TUB: variants seen among roughly 807,000 people sequenced by gnomAD.
TUB encodes tubby protein homolog.
A neutral mutation model predicts 59.7 loss-of-function variants in TUB; 33 were observed. The ratio of observed to expected loss-of-function variants is 0.55; its 90% confidence interval spans 0.42 to 0.74. The LOEUF (loss-of-function observed/expected upper bound fraction) is 0.74, where lower values mean the gene tolerates loss of function less well. Ranked by LOEUF, TUB falls within the 30% of genes least tolerant of loss-of-function variation. TUB has a pLI of 0.00. For synonymous variants in TUB, 293 were observed against 256.4 expected (o/e 1.14, Z -1.36); for missense variants, 659 against 672.0 (o/e 0.98, Z 0.21).
intron 2 of TUB, among the ~76,000 whole-genome samples, chr11:8,056,603 T>G (rs1010010381): frequency 2.0e-5 from 3 of 151,962 alleles, no homozygotes; most frequent in African/African-American, 7.3e-5. Flanking sequence ...GAAGGAATTT[T>G]GGGTACATAT....
chr11:8,101,054 T>C lies in TUB; in HGVS notation c.1387+57T>C, dbSNP rs139158114. The C allele has an allele frequency of 9.7e-4, 1,550 of 1,600,922 alleles. 12 individuals are homozygous for C. In the African/African-American group the frequency reaches 0.018, roughly 18 times the overall value. On this transcript the variant is annotated intron_variant, in intron 11 of 11. Coordinates refer to ENST00000299506, the MANE Select transcript of TUB (RefSeq NM_177972.3). ...CGTAGGATACCCAAGGCCCTTAGCGTAGGGTTCAGCCCACCTAGCCCTGCC... is the reference window on the plus strand; with the variant it reads ...CGTAGGATACCCAAGGCCCTTAGCGCAGGGTTCAGCCCACCTAGCCCTGCC...
intron 2 of TUB, among the ~76,000 whole-genome samples, chr11:8,054,723 C>T (rs1942990414): frequency 6.6e-6 from 1 of 152,214 alleles, no homozygotes; most frequent in Admixed American, 6.5e-5. Context: ...GAGATTTCCA[C>T]TTTGTGTGAA....
At chr11:8,020,290 C>T (rs937532542) in intron 1 of TUB, among the ~76,000 whole-genome samples, 1 of 151,970 alleles carries the variant, frequency 6.6e-6, no homozygotes, top group African/African-American at 2.4e-5. Flanking sequence ...GGAAGACAAA[C>T]TTCATTTACT....
chr11:8,076,811 T>G (rs1347313943), upstream of TUB: 5 of 152,228 alleles, frequency 3.3e-5, no homozygotes, highest in Non-Finnish European at 7.3e-5. Context: ...TGCTTTTGTG[T>G]GTTTGTGTGT....
intron 2 of TUB, chr11:8,067,317 C>G (rs1409806935): frequency 3.3e-5 from 5 of 152,242 alleles, no homozygotes; most frequent in Non-Finnish European, 7.3e-5. Context: ...GGTTTGGCCC[C>G]TGGCTCTGCT....
rs1589976160 is a variant in TUB at position 8,095,770 on chromosome 11, G to A, written c.565+105G>A. On this transcript the variant is annotated intron_variant, in intron 5 of 11. Transcript: ENST00000299506. ...CTTCCTGTGTCCAAACCCCTCCCTG[G>A]CAATGGTGGGTGAGGGTGGGGCACA... 22 of 1,253,368 alleles carry A rather than the reference G, an allele frequency of 1.8e-5. 1 individual carries two copies. In the South Asian group the frequency reaches 3.1e-4, roughly 17 times the overall value. The allele number at this position is 1,253,368 out of a possible 1,614,324, so 77.6% of individuals were successfully genotyped here.
chr11:8,064,610 G>A (rs142434354), intron 2 of TUB, among the ~76,000 whole-genome samples: 27 of 152,306 alleles, frequency 1.8e-4, no homozygotes, highest in Admixed American at 1.2e-3. Context: ...GAACTTTGAC[G>A]TAAGTGGGGT....
intron 2 of TUB, chr11:8,069,287 T>A (rs1329638420): frequency 6.6e-6 from 1 of 151,954 alleles, no homozygotes; most frequent in Admixed American, 6.5e-5. Context: ...GTCTCATAGC[T>A]CTGGAACCTC....
chr11:8,044,714 A>G (rs955725441), intron 2 of TUB, among the ~76,000 whole-genome samples: 3 of 152,226 alleles, frequency 2.0e-5, no homozygotes, highest in African/African-American at 4.8e-5. Context: ...CCCCCATTTC[A>G]TAAGTCCCAG....
intron 2 of TUB, among the ~76,000 whole-genome samples, chr11:8,062,537 GT>G (rs1943151597): frequency 1.4e-5 from 2 of 139,874 alleles, no homozygotes; most frequent in Admixed American, 1.4e-4. Flanking sequence ...GTGTGTGTGT[GT>G]GTACACATGA....
At chr11:8,033,885 C>A (rs973371697), upstream of TUB, among the ~76,000 whole-genome samples, 1 of 152,260 alleles carries the variant, frequency 6.6e-6, no homozygotes. Flanking sequence ...AGCCTTTCCC[C>A]CTCTGGCCTG....
chr11:8,091,665 C>A (rs1486293631), intron 3 of TUB, among the ~76,000 whole-genome samples: 1 of 152,150 alleles, frequency 6.6e-6, no homozygotes, highest in African/African-American at 2.4e-5. Flanking sequence ...GCACCCTGGC[C>A]ATACCTGGTA....
In TUB at chr11:8,039,669, G is replaced by A. The variant is rs1942711024; in HGVS notation, c.180G>A (p.Trp60Ter). The change falls in exon 2 of 13, where the codon TGG becomes TGA. Residue 60 changes from tryptophan to a stop codon, truncating the protein, a stop_gained. Coordinates refer to the TUB transcript ENST00000305253. LOFTEE classifies it high-confidence loss of function. Reference sequence around the variant, plus strand: ...GGAGAACAACCAGGAGGAAGTACTGGAAGGAAGGAAGGGAGATCGCTCGGT... The same window carrying A: ...GGAGAACAACCAGGAGGAAGTACTGAAAGGAAGGAAGGGAGATCGCTCGGT... 2.0e-6 allele frequency: 3 copies of A among 1,537,224 alleles called. No individual in the cohort carries two copies. Among genetic ancestry groups the A allele is most frequent in the African/African-American group, 1.4e-5 (1 of 72,768 alleles).
chr11:8,052,226 A>C (rs777439870), intron 2 of TUB, among the ~76,000 whole-genome samples: 11 of 152,202 alleles, frequency 7.2e-5, no homozygotes, highest in Non-Finnish European at 1.3e-4. Flanking sequence ...AGTTGAAAAA[A>C]AATTCTGCTG....
chr11:8,052,327 A>C (rs1334876234), intron 2 of TUB, among the ~76,000 whole-genome samples: 1 of 152,210 alleles, frequency 6.6e-6, no homozygotes, highest in African/African-American at 2.4e-5. Flanking sequence ...CCTTTTATCA[A>C]GGATGTTAAT....
intron 2 of TUB, among the ~76,000 whole-genome samples, chr11:8,053,144 C>T (rs538732381): frequency 2.1e-4 from 32 of 152,184 alleles, no homozygotes; most frequent in African/African-American, 3.4e-4. Flanking sequence ...TTAAAACTTA[C>T]GACATTTATC....
At position 8,039,687 on chromosome 11, in the gene TUB, C is replaced by T. The variant is rs1449149039; in HGVS notation, c.198C>T (p.Ile66=). ...AGTACTGGAAGGAAGGAAGGGAGAT[C>T]GCTCGGTGAGCTGGAGGGGAGGAGG... The change falls in exon 2 of 13, where the codon ATC becomes ATT. Residue 66 remains isoleucine, a synonymous_variant. Transcript: ENST00000305253. 14 of 1,532,336 alleles carry T rather than the reference C, an allele frequency of 9.1e-6. No homozygotes were observed. The highest frequency in any genetic ancestry group is 4.1e-5 in the African/African-American group (3 of 72,532). The allele number at this position is 1,532,336 out of a possible 1,614,324, so 94.9% of individuals were successfully genotyped here.
chr11:8,101,051 G>C (rs1359110952), intron 11 of TUB, 54 bp downstream of exon 11: 58 of 1,604,464 alleles, frequency 3.6e-5, no homozygotes, highest in Non-Finnish European at 4.5e-5. Context: ...AAGGCCCTTA[G>C]CGTAGGGTTC....
At chr11:8,097,145 A>G (rs922147407) in intron 6 of TUB, 83 bp from the exon 7 acceptor site, 3 of 1,485,722 alleles carry the variant, frequency 2.0e-6, no homozygotes. Flanking sequence ...CCGCCACGTT[A>G]GGAGGCAGAT....
Sources: allele counts gnomAD v4.1 joint callset (sites outside exome capture counted in the v4.1 genomes callset), GRCh38; gene constraint gnomAD v4.1.1; transcripts MANE v1.5; gene names NCBI Gene and HGNC (gene_info 2026-07-23, HGNC 2026-07-21).